The following MMP25 variants were observed in gnomAD, a reference collection of about 807,000 sequenced individuals.
The protein encoded by MMP25 is matrix metalloproteinase-25.
A neutral mutation model predicts 62.1 loss-of-function variants in MMP25; 68 were observed. The observed-to-expected ratio is 1.10, with a 90% confidence interval of 0.90 to 1.34. The LOEUF is 1.34. Ranked by LOEUF, MMP25 falls within the 40% of genes most tolerant of loss-of-function variation. The pLI, the probability that MMP25 is intolerant of heterozygous loss-of-function variation, is 0.00. For synonymous variants in MMP25, 407 were observed against 345.6 expected, an observed-to-expected ratio of 1.18 and a Z score of -1.97; for missense variants, 942 against 792.5, an observed-to-expected ratio of 1.19 and a Z score of -2.26.
chr16:3,058,173 C>G lies in MMP25; in HGVS notation c.1007-8C>G. The G allele has an allele frequency of 6.2e-7, 1 of 1,611,762 alleles. No individual in the cohort carries two copies. Among genetic ancestry groups the G allele is most frequent in the Non-Finnish European group, 8.5e-7 (1 of 1,179,074 alleles). On this transcript the variant is annotated splice_polypyrimidine_tract_variant and splice_region_variant and intron_variant, in intron 7 of 9. Coordinates refer to ENST00000336577, the MANE Select transcript of MMP25 (RefSeq NM_022468.5). Reference sequence around the variant, plus strand: ...ATGCCTTCCTGCGAACCCCTTTGTCCCCTGCAGGCCCCTGGTTCTGGCGCC... The same window carrying G: ...ATGCCTTCCTGCGAACCCCTTTGTCGCCTGCAGGCCCCTGGTTCTGGCGCC...
chr16:3,056,010 G>A (rs1157848280), intron 4 of MMP25: 2 of 452,022 alleles, frequency 4.4e-6, no homozygotes, highest in African/African-American at 2.0e-5. Context: ...TGTGTTCTGA[G>A]AGTGCCTGCT....
intron 4 of MMP25, chr16:3,056,773 G>T: frequency 2.4e-6 from 1 of 416,642 alleles, no homozygotes; most frequent in Non-Finnish European, 4.3e-6. Context: ...GGCCCCATCG[G>T]TGTGTAAGGT....
rs1567129907 is a variant in MMP25 at position 3,058,902 on chromosome 16, CCCA to C, written c.1494_1496del (p.Gln499del). 6.4e-7 allele frequency: 1 copy of C among 1,555,278 alleles called. No homozygotes were observed. On this transcript the variant is annotated inframe_deletion, in exon 10 of 10. Transcript: ENST00000336577. ...AGCATCAAGACCGAGCCGGACGCCCCCCAGCCCATGGGGCCCAACTGGCTGGAC... is the reference window on the plus strand; with the variant it reads ...AGCATCAAGACCGAGCCGGACGCCCCGCCCATGGGGCCCAACTGGCTGGAC...
chr16:3,047,308 C>T (rs1328189733), intron 1 of MMP25, 107 bp from the exon 2 acceptor site: 7 of 1,489,992 alleles, frequency 4.7e-6, no homozygotes, highest in Non-Finnish European at 6.3e-6. Flanking sequence ...GGCTGGGGCC[C>T]TGGGCTCTGG....
At chr16:3,055,870 C>A (rs1463962963) in intron 4 of MMP25, 1 of 455,484 alleles carries the variant, frequency 2.2e-6, no homozygotes, top group Non-Finnish European at 4.4e-6. Context: ...GGCGGCTCAC[C>A]GGTTGATGAG....
intron 7 of MMP25, 120 bp downstream of exon 7, chr16:3,057,733 T>G (rs898645797): frequency 2.2e-6 from 2 of 929,844 alleles, no homozygotes; most frequent in East Asian, 2.4e-5. Flanking sequence ...GGGTCTTGCT[T>G]TGTTGCCTGG....
At chr16:3,057,902 C>T in intron 7 of MMP25, 1 of 577,402 alleles carries the variant, frequency 1.7e-6, no homozygotes, top group Non-Finnish European at 3.0e-6. Context: ...TGGAGTCTCA[C>T]TATATTGCCC....
chr16:3,050,072 CG>C lies in MMP25; in HGVS notation c.300del (p.Leu101TrpfsTer10). On this transcript the variant is annotated frameshift_variant, in exon 3 of 10. Coordinates refer to ENST00000336577, the MANE Select transcript of MMP25 (RefSeq NM_022468.5). LOFTEE classifies it high-confidence loss of function. ...TCCCTGCCTGACGTGCTGGGGGTGGCGGGGCTGGTCAGGCGGCGTCGCCGGT... is the reference window on the plus strand; with the variant it reads ...TCCCTGCCTGACGTGCTGGGGGTGGCGGGCTGGTCAGGCGGCGTCGCCGGT... ...RCSLPDVLGV[A>X]GLVRRRRRYA... is the part of the protein sequence containing the mutation. The C allele has an allele frequency of 6.2e-7, 1 of 1,611,100 alleles. No homozygotes were observed. The highest frequency in any genetic ancestry group is 8.5e-7 in the Non-Finnish European group (1 of 1,179,902).
At chr16:3,047,366 C>G (rs1178716832) in intron 1 of MMP25, 49 bp from the exon 2 acceptor site, 1 of 1,579,528 alleles carries the variant, frequency 6.3e-7, no homozygotes, top group South Asian at 1.2e-5. Flanking sequence ...GCAGAGAGAG[C>G]CCATACTTTT....
chr16:3,049,511 A>G (rs1023456717), intron 2 of MMP25, among the ~76,000 whole-genome samples: 3 of 152,098 alleles, frequency 2.0e-5, no homozygotes, highest in African/African-American at 7.2e-5. Context: ...GGGAAAGGGG[A>G]CCCCAGAGAG....
chr16:3,049,528 C>T (rs1035477555), intron 2 of MMP25, among the ~76,000 whole-genome samples: 1 of 152,206 alleles, frequency 6.6e-6, no homozygotes, highest in Non-Finnish European at 1.5e-5. Context: ...AGAGACCTAA[C>T]CCAGGAGGGG....
At chr16:3,057,697 G>A in intron 7 of MMP25, 84 bp downstream of exon 7, 1 of 1,302,248 alleles carries the variant, frequency 7.7e-7, no homozygotes, top group Non-Finnish European at 1.1e-6. Context: ...TACCCTGGAA[G>A]CGGAACTTTT....
At chr16:3,057,454 T>C in intron 6 of MMP25, 60 bp downstream of exon 6, 2 of 1,597,766 alleles carry the variant, frequency 1.3e-6, no homozygotes, top group Non-Finnish European at 1.7e-6. Flanking sequence ...CAGTGTCCTC[T>C]GAGATGGGGA....
rs1956092413 is a variant in MMP25 at position 3,060,384 on chromosome 16, A to G, written c.*1286A>G. 6.6e-6 allele frequency: 1 copy of G among 152,056 alleles called. No individual in the cohort carries two copies. Among genetic ancestry groups the G allele is most frequent in the Non-Finnish European group, 1.5e-5 (1 of 68,040 alleles). The allele number at this position is 152,056 out of a possible 1,614,324, so 9.4% of individuals were successfully genotyped here. ...GCAGTGTTCCTCCACCCCAGGACCA[A>G]TATGTTCAGGCCACACCGATGGCCT... On this transcript the variant is annotated 3_prime_UTR_variant, in exon 10 of 10. Transcript: ENST00000336577.
chr16:3,056,744 G>C (rs888513368), intron 4 of MMP25: 3 of 353,024 alleles, frequency 8.5e-6, no homozygotes, highest in African/African-American at 2.1e-5. Flanking sequence ...TGCACAAAGT[G>C]CTCCCTTCCC....
At position 3,046,903 on chromosome 16, in the gene MMP25, G is replaced by C; in HGVS notation, c.-15G>C. On this transcript the variant is annotated 5_prime_UTR_variant, in exon 1 of 10. Coordinates refer to ENST00000336577, the MANE Select transcript of MMP25 (RefSeq NM_022468.5). ...CCCCTTCGAACCCCGCCGGCGGCCC[G>C]GGCTGGGGCGCACCATGCGGCTGCG... 1 of 1,395,070 alleles carries C rather than the reference G, an allele frequency of 7.2e-7. No individual in the cohort carries two copies. The highest frequency in any genetic ancestry group is 1.5e-5 in the African/African-American group (1 of 65,892). 86.4% of individuals were successfully genotyped at this position (1,395,070 alleles called of 1,614,324 possible).
rs1266302137 is a variant in MMP25, at chr16:3,059,134, C to A, written c.*36C>A. 14 of 1,482,346 alleles carry A rather than the reference C, an allele frequency of 9.4e-6. No individual in the cohort carries two copies. The African/African-American group carries it at 2.0e-4, about 21-fold the overall frequency. 91.8% of individuals were successfully genotyped at this position (1,482,346 alleles called of 1,614,324 possible). On this transcript the variant is annotated 3_prime_UTR_variant, in exon 10 of 10. Coordinates refer to ENST00000336577, the MANE Select transcript of MMP25 (RefSeq NM_022468.5). The stretch of plus-strand genomic sequence containing the variant: ...CATCCAGACCGAACAGCGCCCTCCA[C>A]GGCCGAGTCCCCCGCCGCTGGACCT...
At position 3,057,371 on chromosome 16, in the gene MMP25, GC is replaced by G; in HGVS notation, c.905del (p.Pro302ArgfsTer66). ...GGAAACCCCTGGCTCCTCCGCCCCA[GC>G]CCCCGGCCTCGCCCACACACAGGTG... The part of the protein sequence containing the change: ...TRKPLAPPPQ[P>X]PASPTHSPSF... On this transcript the variant is annotated frameshift_variant, in exon 6 of 10. Transcript: ENST00000336577. LOFTEE classifies it high-confidence loss of function. 1 of 1,613,264 alleles carries G rather than the reference GC, an allele frequency of 6.2e-7. No individual in the cohort carries two copies. The highest frequency in any genetic ancestry group is 8.5e-7 in the Non-Finnish European group (1 of 1,179,610).
chr16:3,058,171 TCCCCTGCAGG>T lies in MMP25; in HGVS notation c.1007-3_1013del. ...TCATGCCTTCCTGCGAACCCCTTTG[TCCCCTGCAGG>T]CCCCTGGTTCTGGCGCCTCCAGCCC... On this transcript the variant is annotated splice_acceptor_variant and splice_polypyrimidine_tract_variant and coding_sequence_variant and intron_variant, in exon 8 of 10. Transcript: ENST00000336577. LOFTEE classifies it high-confidence loss of function. 3 of 1,611,460 alleles carry T rather than the reference TCCCCTGCAGG, an allele frequency of 1.9e-6. No homozygotes were observed. The highest frequency in any genetic ancestry group is 2.5e-6 in the Non-Finnish European group (3 of 1,179,016).
Sources: allele counts gnomAD v4.1 joint callset (sites outside exome capture counted in the v4.1 genomes callset), GRCh38; gene constraint gnomAD v4.1.1; transcripts MANE v1.5; gene names NCBI Gene and HGNC (gene_info 2026-07-23, HGNC 2026-07-21).